Variants in ATG13 observed in about 807,000 individuals in gnomAD.
ATG13 encodes autophagy-related protein 13.
ATG13 carries 23 observed loss-of-function variants against 65.5 expected under a neutral mutation model. That is an observed-to-expected ratio of 0.35 (90% CI 0.25 to 0.50). ATG13 has a LOEUF of 0.50. Among genes scored for constraint, ATG13 ranks in the 20% least tolerant of loss-of-function variants. ATG13 has a pLI of 0.98. For missense variants in ATG13, 566 were observed against 677.0 expected (o/e 0.84, Z 1.82); for synonymous variants, 252 against 245.2 (o/e 1.03, Z -0.26).
At chr11:46,637,841 C>T (rs1701433116) in intron 2 of ATG13, among the ~76,000 whole-genome samples, 3 of 152,192 alleles carry the variant, frequency 2.0e-5, no homozygotes, top group South Asian at 2.1e-4. Flanking sequence ...GGGCAGCTGG[C>T]GGCAGGCTGA....
intron 1 of ATG13, among the ~76,000 whole-genome samples, chr11:46,627,510 G>A (rs549728000): frequency 1.3e-5 from 2 of 152,078 alleles, no homozygotes; most frequent in Non-Finnish European, 2.9e-5. Context: ...TGCTCTTGTT[G>A]CCCAGGCTGG....
At chr11:46,658,068 CAAA>C (rs1220258366) in intron 10 of ATG13, among the ~76,000 whole-genome samples, 2 of 91,680 alleles carry the variant, frequency 2.2e-5, no homozygotes, top group Admixed American at 1.2e-4. Context: ...GACTCCTTCT[CAAA>C]AAAAAAAAAA....
intron 11 of ATG13, among the ~76,000 whole-genome samples, chr11:46,662,899 A>G (rs1005288001): frequency 5.3e-5 from 8 of 152,182 alleles, no homozygotes; most frequent in Non-Finnish European, 8.8e-5. Flanking sequence ...AGTTGAGTCT[A>G]GAAATGAACC....
chr11:46,623,274 A>T (rs990946318), intron 1 of ATG13, among the ~76,000 whole-genome samples: 2 of 152,152 alleles, frequency 1.3e-5, no homozygotes, highest in African/African-American at 4.8e-5. Flanking sequence ...AGTCTGGGCA[A>T]CAGAGCAAGA....
chr11:46,651,490 T>C (rs868238352), intron 7 of ATG13, among the ~76,000 whole-genome samples: 1 of 152,178 alleles, frequency 6.6e-6, no homozygotes, highest in African/African-American at 2.4e-5. Flanking sequence ...GAGTAGAGGG[T>C]ATGTAGCAAA....
At chr11:46,645,745 G>A in intron 4 of ATG13, 125 bp from the exon 5 acceptor site, 1 of 1,337,418 alleles carries the variant, frequency 7.5e-7, no homozygotes, top group Non-Finnish European at 1.0e-6. Context: ...ATGGGGAAGG[G>A]AGAAGTGAAT....
At chr11:46,665,624 G>T (rs990942080) in intron 14 of ATG13, 105 bp downstream of exon 14, 16 of 1,425,546 alleles carry the variant, frequency 1.1e-5, no homozygotes, top group Non-Finnish European at 1.4e-5. Flanking sequence ...TTCAGCATTG[G>T]CTGGGACATG....
chr11:46,665,328 T>G (rs758845066), intron 13 of ATG13, 55 bp from the exon 14 acceptor site: 4 of 1,584,246 alleles, frequency 2.5e-6, no homozygotes, highest in Non-Finnish European at 3.4e-6. Context: ...AATGTGAAGT[T>G]CCCCTCCTGC....
rs986360916 is a variant in ATG13 at position 46,657,104 on chromosome 11, C to G, written c.509C>G (p.Thr170Arg). ...QLSGLGEGFQ[T>R]VRVGTVGTPV... is the part of the protein sequence containing the mutation. ...GTATCTCTTCTCCTAGGCTTCCAGA[C>G]AGTTCGTGTTGGGACAGTGGGCACC... The change falls in exon 9 of 19, where the codon ACA (threonine) becomes AGA (arginine). Residue 170 changes from threonine to arginine, a missense_variant. Transcript: ENST00000683050. The G allele has an allele frequency of 6.8e-6, 11 of 1,613,732 alleles. No individual in the cohort carries two copies. Among genetic ancestry groups the G allele is most frequent in the Admixed American group, 1.7e-5 (1 of 60,016 alleles).
At chr11:46,619,441 G>T (rs1452465710) in intron 1 of ATG13, among the ~76,000 whole-genome samples, 1 of 141,242 alleles carries the variant, frequency 7.1e-6, no homozygotes, top group Non-Finnish European at 1.5e-5. Context: ...CTAGAGTGCG[G>T]TGGCGGGAAC....
intron 2 of ATG13, among the ~76,000 whole-genome samples, chr11:46,634,504 C>T (rs1030527566): frequency 5.3e-5 from 8 of 149,868 alleles, no homozygotes; most frequent in Non-Finnish European, 1.0e-4. Context: ...TTCAAGCAGT[C>T]CTGACTCAGC....
At chr11:46,660,455 G>A (rs936677570) in intron 11 of ATG13, among the ~76,000 whole-genome samples, 1 of 149,274 alleles carries the variant, frequency 6.7e-6, no homozygotes, top group Non-Finnish European at 1.5e-5. Context: ...TGTCACCCAG[G>A]CTGGAATGCA....
At chr11:46,661,482 C>T (rs538298942) in intron 11 of ATG13, among the ~76,000 whole-genome samples, 89 of 144,644 alleles carry the variant, frequency 6.2e-4, no homozygotes, top group African/African-American at 2.2e-3. Flanking sequence ...TTCCCCACTG[C>T]ACTCTAGCCC....
chr11:46,650,346 C>G lies in ATG13; in HGVS notation c.458+29C>G, dbSNP rs768518895. 3 of 1,601,480 alleles carry G rather than the reference C, an allele frequency of 1.9e-6. No individual in the cohort carries two copies. In the African/African-American group the frequency reaches 4.0e-5, roughly 21 times the overall value. ...AACAGCATAGATGGTCATCTTGATT[C>G]ACTCATCAACCCCCTCACTTTGTAC... On this transcript the variant is annotated intron_variant, in intron 7 of 18. Coordinates refer to ENST00000683050, the MANE Select transcript of ATG13 (RefSeq NM_001346311.2).
At chr11:46,665,685 T>C (rs1468812491) in intron 14 of ATG13, among the ~76,000 whole-genome samples, 166 bp downstream of exon 14, 1 of 150,462 alleles carries the variant, frequency 6.6e-6, no homozygotes, top group Non-Finnish European at 1.5e-5. Flanking sequence ...GGCTCACACC[T>C]ATAATCCCAG....
intron 2 of ATG13, among the ~76,000 whole-genome samples, chr11:46,635,542 A>AG (rs2136047486): frequency 3.3e-5 from 5 of 152,332 alleles, no homozygotes; most frequent in African/African-American, 1.2e-4. Context: ...AGCAAAGGGC[A>AG]GAAAAAAGGA....
Position 46,668,923 on chromosome 11 carries a change from C to A in ATG13, c.1446+13C>A. ...TATGATAGACTTTGTAAGTCGCCGT[C>A]ACCTTCCTTGACCTTTGCTGTCCCG... is the stretch of plus-strand genomic sequence containing the variant. On this transcript the variant is annotated intron_variant, in intron 17 of 18. Transcript: ENST00000683050. 6.3e-7 allele frequency: 1 copy of A among 1,595,604 alleles called. No individual in the cohort carries two copies. The highest frequency in any genetic ancestry group is 8.6e-7 in the Non-Finnish European group (1 of 1,164,700).
At chr11:46,658,486 A>G (rs1014940508) in intron 10 of ATG13, among the ~76,000 whole-genome samples, 1 of 152,046 alleles carries the variant, frequency 6.6e-6, no homozygotes, top group African/African-American at 2.4e-5. Flanking sequence ...GCTCAAGCCC[A>G]GGAGTTGGAG....
chr11:46,660,178 A>G (rs1201499068), intron 11 of ATG13: 1 of 152,278 alleles, frequency 6.6e-6, no homozygotes. Context: ...CAAGTCACTC[A>G]TCCTCAGCTT....
Sources: allele counts gnomAD v4.1 joint callset (sites outside exome capture counted in the v4.1 genomes callset), GRCh38; gene constraint gnomAD v4.1.1; transcripts MANE v1.5; gene names NCBI Gene and HGNC (gene_info 2026-07-23, HGNC 2026-07-21).